Variants in DNM2 observed in about 807,000 individuals in gnomAD.
DNM2 encodes dynamin-2.
A neutral mutation model predicts 99.0 loss-of-function variants in DNM2; 15 were observed. That is an observed-to-expected ratio of 0.15 (90% confidence interval 0.10 to 0.23). The LOEUF (loss-of-function observed/expected upper bound fraction) is 0.23. DNM2 is among the 10% of genes least tolerant of loss of function. The pLI, the probability that DNM2 is intolerant of heterozygous loss-of-function variation, is 1.00. For synonymous variants in DNM2, 525 were observed against 481.2 expected (o/e 1.09, Z -1.19); for missense variants, 742 against 1,189.4 (o/e 0.62, Z 5.53).
chr19:10,786,346 G>A (rs1328930110), intron 6 of DNM2: 1 of 731,830 alleles, frequency 1.4e-6, no homozygotes, highest in Non-Finnish European at 2.3e-6. Flanking sequence ...TGGGCTGTTT[G>A]TAGCCTCTTA....
rs551521923 is a variant in DNM2, at chr19:10,776,761, C to T, written c.590-357C>T. ...CTCAAATGTTCCCTTGGGACTTTGC[C>T]GGCACTTGGAAAGTCCAGCATCAAA... On this transcript the variant is annotated intron_variant, in intron 4 of 20. Transcript: ENST00000389253. Among the ~76,000 whole-genome samples, 154 of 152,326 alleles carry T rather than the reference C, an allele frequency of 1.0e-3. 1 individual carries two copies. The South Asian group carries it at 0.029, about 28-fold the overall frequency.
At chr19:10,762,770 G>A (rs1361452784) in intron 2 of DNM2, among the ~76,000 whole-genome samples, 1 of 152,194 alleles carries the variant, frequency 6.6e-6, no homozygotes, top group African/African-American at 2.4e-5. Context: ...GGGGAATGTG[G>A]CCTTAGGCCA....
chr19:10,724,558 G>C (rs113819107), intron 1 of DNM2, among the ~76,000 whole-genome samples: 1 of 152,304 alleles, frequency 6.6e-6, no homozygotes, highest in African/African-American at 2.4e-5. Context: ...CCCTGGAGAC[G>C]GGAAGAGAAT....
intron 2 of DNM2, chr19:10,769,289 A>G (rs910347902): frequency 6.6e-6 from 1 of 152,366 alleles, no homozygotes; most frequent in Non-Finnish European, 1.5e-5. Flanking sequence ...GCGTGCTGCC[A>G]GTACATGCTG....
chr19:10,802,628 G>A, intron 12 of DNM2: 3 of 514,878 alleles, frequency 5.8e-6, no homozygotes, highest in South Asian at 2.0e-5. Context: ...CAGGGAGAGG[G>A]GGAAGCCAGC....
At chr19:10,783,828 G>A (rs2071464439) in intron 6 of DNM2, among the ~76,000 whole-genome samples, 1 of 151,766 alleles carries the variant, frequency 6.6e-6, no homozygotes, top group African/African-American at 2.4e-5. Flanking sequence ...AGCTTCCTGA[G>A]TAGCTGGGAT....
intron 18 of DNM2, among the ~76,000 whole-genome samples, chr19:10,827,401 CTT>C (rs2073176025): frequency 6.6e-6 from 1 of 151,928 alleles, no homozygotes; most frequent in African/African-American, 2.4e-5. Context: ...TTAATAGACT[CTT>C]ATAAAATAAA....
At chr19:10,726,355 C>G (rs2069116678) in intron 1 of DNM2, among the ~76,000 whole-genome samples, 1 of 152,052 alleles carries the variant, frequency 6.6e-6, no homozygotes, top group Non-Finnish European at 1.5e-5. Flanking sequence ...GCCGCCGAAC[C>G]CGGCCTTAGT....
rs1599569966 is a variant in DNM2, at chr19:10,796,097, C to T, written c.1196+658C>T. The T allele has an allele frequency of 6.2e-7, 1 of 1,614,052 alleles. No individual in the cohort carries two copies. ...TCACCCCGGACTTGGCATTCGAGGC[C>T]ATTGTGAAAAAGCAGGTCGTCAAGC... On this transcript the variant is annotated intron_variant, in intron 9 of 20. Coordinates refer to ENST00000389253, the MANE Select transcript of DNM2 (RefSeq NM_001005361.3). This position sits in a 1 kb window ranked among gnomAD's most constrained non-coding sequence, Gnocchi z 5.6.
chr19:10,719,332 T>C (rs1329247364), intron 1 of DNM2, among the ~76,000 whole-genome samples: 1 of 152,094 alleles, frequency 6.6e-6, no homozygotes, highest in Non-Finnish European at 1.5e-5. Context: ...ACTTCAGGAT[T>C]CCTTTCCGAG....
chr19:10,765,253 C>T lies in DNM2; in HGVS notation c.235+5442C>T, dbSNP rs552115229. On this transcript the variant is annotated intron_variant, in intron 2 of 20. Coordinates refer to ENST00000389253, the MANE Select transcript of DNM2 (RefSeq NM_001005361.3). This position sits in a 1 kb window ranked among gnomAD's most constrained non-coding sequence, Gnocchi z 4.4. ...GATTACAGGCGTGAGCCACCACGCCCGGCCTGTTTTTTCTTAATGGACTCT... is the reference window on the plus strand; with the variant it reads ...GATTACAGGCGTGAGCCACCACGCCTGGCCTGTTTTTTCTTAATGGACTCT... Among the ~76,000 whole-genome samples, 9 of 152,338 alleles carry T rather than the reference C, an allele frequency of 5.9e-5. No individual in the cohort carries two copies. The highest frequency in any genetic ancestry group is 2.6e-4 in the Admixed American group (4 of 15,302).
At chr19:10,754,903 A>G (rs1003261999) in intron 1 of DNM2, among the ~76,000 whole-genome samples, 11 of 152,186 alleles carry the variant, frequency 7.2e-5, no homozygotes, top group African/African-American at 2.7e-4. Context: ...TGATTTTCTA[A>G]TAAATGATTG....
chr19:10,729,184 A>AAT (rs1568265456), intron 1 of DNM2, among the ~76,000 whole-genome samples: 11 of 123,108 alleles, frequency 8.9e-5, no homozygotes, highest in Non-Finnish European at 1.8e-4. Context: ...AAAAAAAAAA[A>AAT]AAAAAATATA....
At chr19:10,755,149 A>C (rs2070337679) in intron 1 of DNM2, 1 of 152,236 alleles carries the variant, frequency 6.6e-6, no homozygotes, top group Non-Finnish European at 1.5e-5. Context: ...ATTTGTAATA[A>C]ATTCAAGCTA....
chr19:10,760,379 G>T (rs1232660558), intron 2 of DNM2, among the ~76,000 whole-genome samples: 1 of 151,982 alleles, frequency 6.6e-6, no homozygotes, highest in African/African-American at 2.4e-5. Flanking sequence ...ACCCGATTTT[G>T]CTGAACGCTT....
Position 10,775,998 on chromosome 19 carries a change from T to G in DNM2, c.589+92T>G, listed in dbSNP as rs2071140304. The G allele has an allele frequency of 6.7e-7, 1 of 1,502,718 alleles. No homozygotes were observed. The highest frequency in any genetic ancestry group is 1.4e-5 in the African/African-American group (1 of 72,564). 93.1% of individuals were successfully genotyped at this position (1,502,718 alleles called of 1,614,324 possible). On this transcript the variant is annotated intron_variant, in intron 4 of 20. Transcript: ENST00000389253. This position sits in a 1 kb window ranked among gnomAD's most constrained non-coding sequence, Gnocchi z 4.3. Reference sequence around the variant, plus strand: ...TTGGTTCCAAGTCACTGGCGTTCTCTTTAATCCATGGCCGCTGTAGGAAAA... The same window carrying G: ...TTGGTTCCAAGTCACTGGCGTTCTCGTTAATCCATGGCCGCTGTAGGAAAA...
intron 14 of DNM2, chr19:10,809,648 C>G (rs961430976): frequency 6.6e-6 from 1 of 152,380 alleles, no homozygotes; most frequent in East Asian, 1.9e-4. Context: ...CCGGCCTCAG[C>G]CCGGCTCTTA....
chr19:10,812,127 G>T lies in DNM2; in HGVS notation c.1558-137G>T, dbSNP rs1313363535. 1.4e-6 allele frequency: 1 copy of T among 710,172 alleles called. No individual in the cohort carries two copies. Among genetic ancestry groups the T allele is most frequent in the East Asian group, 3.3e-5 (1 of 30,532 alleles). The allele number at this position is 710,172 out of a possible 1,614,324, so 44.0% of individuals were successfully genotyped here. A position where few individuals can be genotyped will look rare whatever the true frequency, so the allele number is the denominator to read the frequency against. On this transcript the variant is annotated intron_variant, in intron 14 of 20. Coordinates refer to ENST00000389253, the MANE Select transcript of DNM2 (RefSeq NM_001005361.3). This position sits in a 1 kb window ranked among gnomAD's most constrained non-coding sequence, Gnocchi z 4.0. ...AATGCTTGGGACAGGGTGGAACTGGGTTTCCTGGGCTTTGGGGCTGGAGGT... is the reference window on the plus strand; with the variant it reads ...AATGCTTGGGACAGGGTGGAACTGGTTTTCCTGGGCTTTGGGGCTGGAGGT...
intron 11 of DNM2, among the ~76,000 whole-genome samples, chr19:10,801,248 G>A: frequency 6.6e-6 from 1 of 152,128 alleles, no homozygotes; most frequent in East Asian, 1.9e-4. Context: ...AGAGGTTGCA[G>A]TGAGCCGAGA....
Sources: allele counts gnomAD v4.1 joint callset (sites outside exome capture counted in the v4.1 genomes callset), GRCh38; gene constraint gnomAD v4.1.1; non-coding constraint Gnocchi (gnomAD v3.1); transcripts MANE v1.5; gene names NCBI Gene and HGNC (gene_info 2026-07-23, HGNC 2026-07-21).